Variants in NUDT13 observed in about 807,000 individuals in gnomAD.
The protein encoded by NUDT13 is nudix hydrolase 13.
NUDT13 carries 40 observed loss-of-function variants against 41.7 expected under a neutral mutation model. The ratio of observed to expected loss-of-function variants is 0.96; its 90% confidence interval spans 0.75 to 1.25. The LOEUF (loss-of-function observed/expected upper bound fraction) is 1.25. NUDT13 is among the 50% of genes most tolerant of loss of function. The pLI, the probability that NUDT13 is intolerant of heterozygous loss-of-function variation, is 0.00. For missense variants in NUDT13, 390 were observed against 416.1 expected, an observed-to-expected ratio of 0.94 and a Z score of 0.55; for synonymous variants, 145 against 155.5, an observed-to-expected ratio of 0.93 and a Z score of 0.50.
In NUDT13 at chr10:73,126,790, T is replaced by C; in HGVS notation, c.821T>C (p.Ile274Thr). Reference sequence around the variant, plus strand: ...CCCTTCCCTAGTGGCTCACTCATGATTGCTTGCCATGCAACTGTGAAACCA... The same window carrying C: ...CCCTTCCCTAGTGGCTCACTCATGACTGCTTGCCATGCAACTGTGAAACCA... ...HWPFPSGSLMIACHATVKPGQ... is the reference protein window; with the variant it reads ...HWPFPSGSLMTACHATVKPGQ... The change falls in exon 8 of 9, where the codon ATT becomes ACT. Residue 274 changes from isoleucine to threonine, a missense_variant. Coordinates refer to ENST00000357321, the MANE Select transcript of NUDT13 (RefSeq NM_015901.6). The C allele has an allele frequency of 6.2e-7, 1 of 1,614,168 alleles. No homozygotes were observed. Among genetic ancestry groups the C allele is most frequent in the South Asian group, 1.1e-5 (1 of 91,078 alleles).
chr10:73,112,461 C>T (rs1487770380), intron 1 of NUDT13, among the ~76,000 whole-genome samples: 3 of 151,544 alleles, frequency 2.0e-5, no homozygotes, highest in Non-Finnish European at 4.4e-5. Flanking sequence ...CCAACTGTTA[C>T]CTGTTTTTTT....
intron 2 of NUDT13, among the ~76,000 whole-genome samples, chr10:73,118,259 A>G (rs1032762547): frequency 2.6e-5 from 4 of 152,212 alleles, no homozygotes; most frequent in African/African-American, 7.2e-5. Flanking sequence ...TCTTCTATTT[A>G]TAAAGAGCTC....
intron 8 of NUDT13, among the ~76,000 whole-genome samples, chr10:73,129,653 A>G (rs369553645): frequency 8.0e-5 from 12 of 149,916 alleles, no homozygotes; most frequent in African/African-American, 2.7e-4. Flanking sequence ...TATGCTTTTG[A>G]CTATCATTAA....
In NUDT13 at chr10:73,131,342, T is replaced by C. The variant is rs1322057852; in HGVS notation, c.*439T>C. 5.6e-6 allele frequency: 1 copy of C among 179,178 alleles called. No homozygotes were observed. The highest frequency in any genetic ancestry group is 1.2e-5 in the Non-Finnish European group (1 of 82,222). The allele number at this position is 179,178 out of a possible 1,614,324, so 11.1% of individuals were successfully genotyped here. A position where few individuals can be genotyped will look rare whatever the true frequency, so the allele number is the denominator to read the frequency against. Reference sequence around the variant, plus strand: ...TAGCAAGTTTTAAGTCATTACTGAGTTACTTGTTACCCTTACAGAATTAAG... The same window carrying C: ...TAGCAAGTTTTAAGTCATTACTGAGCTACTTGTTACCCTTACAGAATTAAG... On this transcript the variant is annotated 3_prime_UTR_variant, in exon 9 of 9. Coordinates refer to ENST00000357321, the MANE Select transcript of NUDT13 (RefSeq NM_015901.6).
In NUDT13 at chr10:73,114,448, G is replaced by A. The variant is rs965536726; in HGVS notation, c.83G>A (p.Arg28Gln). Residue 28 changes from arginine (R) to glutamine (Q), a missense_variant and splice_region_variant, in exon 2 of 9, where the codon CGG becomes CAG. Coordinates refer to ENST00000357321, the MANE Select transcript of NUDT13 (RefSeq NM_015901.6). ...RLLSTYVTKT[R>Q]YLFELKEDDD... The stretch of plus-strand genomic sequence containing the variant: ...CTGTCAACCTATGTTACTAAGACAC[G>A]GTGAGTTTTAGCCAACCTGAGCTTT... 1.2e-5 allele frequency: 18 copies of A among 1,559,348 alleles called. No individual in the cohort carries two copies. The African/African-American group carries it at 1.4e-4, about 12-fold the overall frequency.
Position 73,115,568 on chromosome 10 carries a change from T to C in NUDT13, c.83+1120T>C, listed in dbSNP as rs533511600. ...TTAAGATCAGACTTTGTCTTTCCAC[T>C]GTGGTACCCCTACTTCATAAAACAG... On this transcript the variant is annotated intron_variant, in intron 2 of 8. Transcript: ENST00000357321. 7.2e-5 allele frequency among the ~76,000 whole-genome samples: 11 copies of C among 152,312 alleles called. No individual in the cohort carries two copies. In the South Asian group the frequency reaches 2.3e-3, roughly 32 times the overall value.
intron 2 of NUDT13, among the ~76,000 whole-genome samples, chr10:73,116,455 A>G (rs2133205311): frequency 6.6e-6 from 1 of 152,240 alleles, no homozygotes; most frequent in East Asian, 1.9e-4. Context: ...ATTTAGAGGC[A>G]TATAAAGGCT....
chr10:73,121,422 G>A (rs1842643276), intron 3 of NUDT13, among the ~76,000 whole-genome samples: 1 of 152,170 alleles, frequency 6.6e-6, no homozygotes, highest in Non-Finnish European at 1.5e-5. Flanking sequence ...ATTATTTAGA[G>A]ATTTAGCAAT....
chr10:73,111,348 G>A (rs889350006), intron 1 of NUDT13, among the ~76,000 whole-genome samples: 1 of 151,450 alleles, frequency 6.6e-6, no homozygotes, highest in Non-Finnish European at 1.5e-5. Context: ...GATTCAAGAT[G>A]GGCTTTTTTT....
chr10:73,128,213 A>C (rs1204009059), intron 8 of NUDT13, among the ~76,000 whole-genome samples: 1 of 152,206 alleles, frequency 6.6e-6, no homozygotes, highest in East Asian at 1.9e-4. Context: ...GAGTGCAGAT[A>C]TCTCTTCAAG....
intron 3 of NUDT13, among the ~76,000 whole-genome samples, chr10:73,121,649 C>T (rs1256548648): frequency 6.6e-6 from 1 of 152,144 alleles, no homozygotes; most frequent in South Asian, 2.1e-4. Context: ...GCCTTGAACT[C>T]CTTGGCTCAA....
At chr10:73,127,076 T>G (rs1842807472) in intron 8 of NUDT13, among the ~76,000 whole-genome samples, 1 of 151,582 alleles carries the variant, frequency 6.6e-6, no homozygotes, top group South Asian at 2.1e-4. Context: ...AAACTCCATC[T>G]CTACTAAAAA....
intron 1 of NUDT13, 33 bp from the exon 2 acceptor site, chr10:73,114,324 C>CTT (rs1301578591): frequency 8.9e-7 from 1 of 1,126,992 alleles, no homozygotes; most frequent in Non-Finnish European, 1.3e-6. Flanking sequence ...CATATTATGA[C>CTT]TTTTTTTAAA....
At chr10:73,111,050 C>T (rs1298475324) in intron 1 of NUDT13, among the ~76,000 whole-genome samples, 1 of 152,056 alleles carries the variant, frequency 6.6e-6, no homozygotes, top group Non-Finnish European at 1.5e-5. Context: ...GATCTCCACT[C>T]ACTGCAAGCT....
In NUDT13 at chr10:73,114,431, CTA is replaced by C; in HGVS notation, c.68_69del (p.Tyr23CysfsTer3). On this transcript the variant is annotated frameshift_variant, in exon 2 of 9. Coordinates refer to ENST00000357321, the MANE Select transcript of NUDT13 (RefSeq NM_015901.6). LOFTEE classifies it high-confidence loss of function. ...TTTGGTGCTATAGGCTGCTGTCAAC[CTA>C]TGTTACTAAGACACGGTGAGTTTTA... ...FFWCYRLLST[Y>X]VTKTRYLFEL... 1 of 1,584,432 alleles carries C rather than the reference CTA, an allele frequency of 6.3e-7. No homozygotes were observed. The highest frequency in any genetic ancestry group is 8.6e-7 in the Non-Finnish European group (1 of 1,161,642).
rs756196737 is a variant in NUDT13, at chr10:73,120,083, A to G, written c.149A>G (p.Tyr50Cys). The G allele has an allele frequency of 6.2e-7, 1 of 1,614,142 alleles. No individual in the cohort carries two copies. Among genetic ancestry groups the G allele is most frequent in the Non-Finnish European group, 8.5e-7 (1 of 1,179,980 alleles). ...CKKAQQTGAF[Y>C]LFHSLAPLLQ... ...AAAGCCCAGCAAACAGGAGCGTTTT[A>G]CCTCTTTCATAGTCTGGCTCCTCTG... The change falls in exon 3 of 9, where the codon TAC (tyrosine) becomes TGC (cysteine). Residue 50 changes from tyrosine (Y) to cysteine (C), a missense_variant. Coordinates refer to ENST00000357321, the MANE Select transcript of NUDT13 (RefSeq NM_015901.6).
intron 1 of NUDT13, among the ~76,000 whole-genome samples, chr10:73,112,643 T>C (rs1842397560): frequency 6.6e-6 from 1 of 151,982 alleles, no homozygotes; most frequent in East Asian, 1.9e-4. Flanking sequence ...TTTGTGTGTG[T>C]TGAGAATATT....
intron 8 of NUDT13, chr10:73,130,485 TATAC>T (rs1842893589): frequency 1.3e-5 from 4 of 300,186 alleles, no homozygotes; most frequent in Non-Finnish European, 2.0e-5. Flanking sequence ...TATATATATA[TATAC>T]ACACACACAC....
At chr10:73,122,033 A>G (rs1842656167) in intron 3 of NUDT13, 142 bp from the exon 4 acceptor site, 2 of 864,942 alleles carry the variant, frequency 2.3e-6, no homozygotes, top group African/African-American at 1.7e-5. Context: ...CCAAGGTTAC[A>G]TAGCTAATTA....
Sources: allele counts gnomAD v4.1 joint callset (sites outside exome capture counted in the v4.1 genomes callset), GRCh38; gene constraint gnomAD v4.1.1; transcripts MANE v1.5; gene names NCBI Gene and HGNC (gene_info 2026-07-23, HGNC 2026-07-21).